KCNH7: variants seen among roughly 807,000 people sequenced by gnomAD.
KCNH7 encodes potassium voltage-gated channel subfamily H member 7.
In KCNH7, 49 loss-of-function variants were observed where a neutral mutation model predicts 120.8. The observed-to-expected ratio is 0.41, with a 90% CI of 0.32 to 0.51. KCNH7 has a LOEUF of 0.51. KCNH7 is among the 20% of genes least tolerant of loss of function. The probability of loss-of-function intolerance (pLI) is 0.38; values close to 1 mark genes in which losing one functional copy is unlikely to be tolerated. For missense variants in KCNH7, 1,097 were observed against 1,446.6 expected (o/e 0.76, Z 3.92); for synonymous variants, 547 against 516.1 (o/e 1.06, Z -0.81).
intron 7 of KCNH7, among the ~76,000 whole-genome samples, chr2:162,437,434 A>G (rs1326905712): frequency 2.6e-5 from 4 of 152,030 alleles, no homozygotes; most frequent in Non-Finnish European, 5.9e-5. Context: ...CCTATGAATG[A>G]ATATAGGTTT....
chr2:162,667,918 G>T (rs184170215), intron 2 of KCNH7, among the ~76,000 whole-genome samples: 1 of 152,114 alleles, frequency 6.6e-6, no homozygotes, highest in Non-Finnish European at 1.5e-5. Flanking sequence ...GTAGAATGTT[G>T]TATATATTCA....
Position 162,838,606 on chromosome 2 carries a change from G to A in KCNH7, c.-88C>T. ...TCGGCTAGAGCCCAGGCCAGCGCGCGAGCCGCTCTTTGTGGCAGAGCATCC... is the reference window on the plus strand; with the variant it reads ...TCGGCTAGAGCCCAGGCCAGCGCGCAAGCCGCTCTTTGTGGCAGAGCATCC... On this transcript the variant is annotated 5_prime_UTR_variant, in exon 1 of 16. Coordinates refer to ENST00000332142, the MANE Select transcript of KCNH7 (RefSeq NM_033272.4). The A allele has an allele frequency of 9.4e-7, 1 of 1,063,054 alleles. No homozygotes were observed. Among genetic ancestry groups the A allele is most frequent in the Non-Finnish European group, 1.4e-6 (1 of 717,874 alleles). The allele number at this position is 1,063,054 out of a possible 1,614,324, so 65.9% of individuals were successfully genotyped here.
intron 2 of KCNH7, among the ~76,000 whole-genome samples, chr2:162,663,174 A>G (rs111311853): frequency 0.015 from 2,324 of 152,350 alleles, 20 homozygotes; most frequent in Middle Eastern, 0.041. Context: ...ATTATTGTGA[A>G]GTGACAATAT....
intron 9 of KCNH7, among the ~76,000 whole-genome samples, chr2:162,404,487 G>C (rs965488408): frequency 6.6e-6 from 1 of 151,898 alleles, no homozygotes; most frequent in African/African-American, 2.4e-5. Context: ...GAGGTGTTTG[G>C]TCATGGGGGT....
At chr2:162,787,393 C>G (rs558412569) in intron 2 of KCNH7, among the ~76,000 whole-genome samples, 1 of 152,040 alleles carries the variant, frequency 6.6e-6, no homozygotes, top group East Asian at 1.9e-4. Flanking sequence ...CTCAGTGGCT[C>G]CAGGCTCTAG....
At position 162,584,392 on chromosome 2, in the gene KCNH7, T is replaced by G. The variant is rs146171006; in HGVS notation, c.308-47312A>C. On this transcript the variant is annotated intron_variant, in intron 2 of 15. Transcript: ENST00000332142. ...AATCCCCAAGAATATGTCCTTGAAC[T>G]TTCAAGAACCTCAGATATTAGTCTG... Among the ~76,000 whole-genome samples, 862 of 152,130 alleles carry G rather than the reference T, an allele frequency of 5.7e-3. 9 individuals are homozygous for G. Among genetic ancestry groups the G allele is most frequent in the African/African-American group, 0.02 (813 of 41,562 alleles).
intron 2 of KCNH7, among the ~76,000 whole-genome samples, chr2:162,727,939 A>C (rs1687586924): frequency 1.3e-5 from 2 of 152,182 alleles, no homozygotes; most frequent in African/African-American, 2.4e-5. Flanking sequence ...AAATATATGC[A>C]AAAGCTACTC....
At chr2:162,525,955 G>A (rs1000012170) in intron 3 of KCNH7, among the ~76,000 whole-genome samples, 6 of 151,496 alleles carry the variant, frequency 4.0e-5, no homozygotes, top group South Asian at 2.1e-4. Context: ...TACTCTATCG[G>A]GGGAAATTCA....
At chr2:162,605,936 A>T (rs970503863) in intron 2 of KCNH7, among the ~76,000 whole-genome samples, 1 of 152,216 alleles carries the variant, frequency 6.6e-6, no homozygotes, top group African/African-American at 2.4e-5. Context: ...TACAAATAAG[A>T]TTCAGAATAA....
At chr2:162,400,828 CT>C (rs1273077358) in intron 9 of KCNH7, among the ~76,000 whole-genome samples, 1 of 151,822 alleles carries the variant, frequency 6.6e-6, no homozygotes, top group African/African-American at 2.4e-5. Flanking sequence ...GACAATCAAC[CT>C]TTTGAAAGAA....
At chr2:162,832,539 C>A (rs886249703) in intron 2 of KCNH7, among the ~76,000 whole-genome samples, 26 of 152,042 alleles carry the variant, frequency 1.7e-4, no homozygotes, top group African/African-American at 6.3e-4. Flanking sequence ...AATTAACAAC[C>A]CCATAGTCCA....
chr2:162,652,327 A>C (rs1684593330), intron 2 of KCNH7, among the ~76,000 whole-genome samples: 1 of 152,118 alleles, frequency 6.6e-6, no homozygotes, highest in Non-Finnish European at 1.5e-5. Flanking sequence ...TTTTATGATG[A>C]TTACATGAGA....
At chr2:162,572,693 T>C (rs1437135153) in intron 2 of KCNH7, among the ~76,000 whole-genome samples, 1 of 136,354 alleles carries the variant, frequency 7.3e-6, no homozygotes, top group Non-Finnish European at 1.5e-5. Flanking sequence ...GTGGCACATA[T>C]ACACCATGGA....
intron 2 of KCNH7, among the ~76,000 whole-genome samples, chr2:162,620,674 G>C (rs141526611): frequency 6.6e-6 from 1 of 151,642 alleles, no homozygotes; most frequent in Non-Finnish European, 1.5e-5. Flanking sequence ...CTTTTTTATG[G>C]GGTCTCACAG....
At chr2:162,513,407 T>C (rs1312825918) in intron 4 of KCNH7, among the ~76,000 whole-genome samples, 1 of 140,048 alleles carries the variant, frequency 7.1e-6, no homozygotes, top group Non-Finnish European at 1.6e-5. Flanking sequence ...CCTTCCTTCT[T>C]TCCTTCCTTC....
intron 2 of KCNH7, among the ~76,000 whole-genome samples, chr2:162,599,601 C>T (rs1273698506): frequency 6.6e-6 from 1 of 151,300 alleles, no homozygotes; most frequent in Non-Finnish European, 1.5e-5. Context: ...ATATTTCCTA[C>T]TCTTGTAATT....
chr2:162,735,702 C>A (rs1305722965), intron 2 of KCNH7, among the ~76,000 whole-genome samples: 1 of 152,118 alleles, frequency 6.6e-6, no homozygotes, highest in Non-Finnish European at 1.5e-5. Context: ...ACAAAATTAC[C>A]CTTAAAAAGC....
chr2:162,601,399 CTTTTTTTT>C (rs60201823), intron 2 of KCNH7, among the ~76,000 whole-genome samples: 6 of 9,602 alleles, frequency 6.2e-4, no homozygotes, highest in African/African-American at 1.0e-3. Context: ...ACTTCTTGTG[CTTTTTTTT>C]TTTTTTTTTT....
intron 3 of KCNH7, among the ~76,000 whole-genome samples, chr2:162,524,015 T>G (rs1233041621): frequency 1.3e-5 from 2 of 151,802 alleles, no homozygotes; most frequent in South Asian, 4.1e-4. Flanking sequence ...AAAGTAAGGT[T>G]TGTTGTAAAG....
Sources: gnomAD v4.1 joint callset for allele counts (sites outside exome capture counted in the v4.1 genomes callset) on GRCh38, gnomAD v4.1.1 for gene constraint, MANE v1.5 for transcripts, NCBI Gene and HGNC (gene_info 2026-07-23, HGNC 2026-07-21) for gene names.